Variants in GALNTL6 observed in about 807,000 individuals in gnomAD.
GALNTL6 encodes the protein polypeptide N-acetylgalactosaminyltransferase like 6.
In GALNTL6, 46 loss-of-function variants were observed where a neutral mutation model predicts 73.7. The observed-to-expected ratio is 0.62, with a 90% confidence interval of 0.49 to 0.80. GALNTL6 has a LOEUF of 0.80. Ranked by LOEUF, GALNTL6 falls within the 30% of genes least tolerant of loss-of-function variation. The pLI, the probability that GALNTL6 is intolerant of heterozygous loss-of-function variation, is 0.00. For synonymous variants in GALNTL6, 259 were observed against 263.7 expected (o/e 0.98, Z 0.17); for missense variants, 604 against 755.0 (o/e 0.80, Z 2.34).
intron 2 of GALNTL6, among the ~76,000 whole-genome samples, chr4:172,210,028 A>G (rs1452466760): frequency 6.6e-6 from 1 of 152,118 alleles, no homozygotes; most frequent in Non-Finnish European, 1.5e-5. Context: ...ATAGTAAAGA[A>G]TGAATAATGT....
chr4:171,867,786 A>C (rs1464575604), intron 2 of GALNTL6, among the ~76,000 whole-genome samples: 1 of 152,208 alleles, frequency 6.6e-6, no homozygotes, highest in Non-Finnish European at 1.5e-5. Flanking sequence ...GAAATTAATA[A>C]AATTCTGTAT....
chr4:172,935,144 G>A (rs1452099737), intron 9 of GALNTL6, among the ~76,000 whole-genome samples: 1 of 152,200 alleles, frequency 6.6e-6, no homozygotes, highest in Non-Finnish European at 1.5e-5. Flanking sequence ...GAGTTTCCTT[G>A]GAGGGTCACC....
chr4:171,953,774 T>A (rs412727), intron 2 of GALNTL6, among the ~76,000 whole-genome samples: 74,632 of 151,898 alleles, frequency 0.49, 18,832 homozygotes, highest in East Asian at 0.65. Flanking sequence ...TATATTTTTA[T>A]ATTCCACAGA....
intron 5 of GALNTL6, among the ~76,000 whole-genome samples, chr4:172,681,340 G>T (rs374252127): frequency 6.6e-6 from 1 of 151,534 alleles, no homozygotes; most frequent in African/African-American, 2.4e-5. Flanking sequence ...CTCCCATGAC[G>T]TACACTTCAT....
intron 8 of GALNTL6, among the ~76,000 whole-genome samples, chr4:172,896,870 T>C (rs1436884528): frequency 6.6e-6 from 1 of 152,106 alleles, no homozygotes; most frequent in African/African-American, 2.4e-5. Flanking sequence ...GAGCTGATAC[T>C]GGGCCTCCTA....
intron 3 of GALNTL6, among the ~76,000 whole-genome samples, chr4:172,254,867 A>G (rs950209394): frequency 6.6e-6 from 1 of 151,764 alleles, no homozygotes; most frequent in African/African-American, 2.4e-5. Context: ...CCCCTGTTTC[A>G]GATGGGATAA....
intron 2 of GALNTL6, among the ~76,000 whole-genome samples, chr4:172,171,909 G>C (rs968452601): frequency 2.0e-5 from 3 of 152,138 alleles, no homozygotes; most frequent in African/African-American, 7.2e-5. Context: ...AAGTTTTGTA[G>C]CCATCCATGT....
chr4:173,013,719 T>C (rs1752657343), intron 11 of GALNTL6, among the ~76,000 whole-genome samples: 1 of 152,090 alleles, frequency 6.6e-6, no homozygotes. Context: ...TTCCTGTCTC[T>C]AGAGATCCTA....
At chr4:173,017,344 C>CA (rs767398275) in intron 11 of GALNTL6, among the ~76,000 whole-genome samples, 131 of 152,282 alleles carry the variant, frequency 8.6e-4, no homozygotes, top group Non-Finnish European at 1.4e-3. Flanking sequence ...AGAAAATCTA[C>CA]ATTCTTCTGT....
chr4:171,941,585 G>A (rs1049012504), intron 2 of GALNTL6, among the ~76,000 whole-genome samples: 2 of 152,134 alleles, frequency 1.3e-5, no homozygotes, highest in Non-Finnish European at 2.9e-5. Flanking sequence ...GAATCTTTAC[G>A]ATTACTTTGA....
chr4:172,304,314 C>A (rs1227848453), intron 3 of GALNTL6, among the ~76,000 whole-genome samples: 1 of 151,886 alleles, frequency 6.6e-6, no homozygotes, highest in African/African-American at 2.4e-5. Context: ...CTGCTGGAGA[C>A]ATTACGATGA....
At chr4:172,893,431 T>G (rs1312167176) in intron 8 of GALNTL6, among the ~76,000 whole-genome samples, 2 of 152,084 alleles carry the variant, frequency 1.3e-5, no homozygotes, top group Non-Finnish European at 2.9e-5. Flanking sequence ...CTGGGAGTTT[T>G]GGGACCACAC....
intron 8 of GALNTL6, among the ~76,000 whole-genome samples, chr4:172,883,291 A>G (rs910351276): frequency 1.3e-5 from 2 of 152,216 alleles, no homozygotes; most frequent in African/African-American, 2.4e-5. Context: ...CCCTACTTGT[A>G]TAAGGCCATT....
chr4:172,332,744 A>G (rs1741175954), intron 4 of GALNTL6, among the ~76,000 whole-genome samples: 1 of 152,126 alleles, frequency 6.6e-6, no homozygotes, highest in Admixed American at 6.5e-5. Context: ...TGCTATTGTA[A>G]ATAGTGCTAC....
intron 10 of GALNTL6, among the ~76,000 whole-genome samples, chr4:173,001,385 AC>A (rs1427475302): frequency 6.6e-6 from 1 of 152,216 alleles, no homozygotes; most frequent in Non-Finnish European, 1.5e-5. Context: ...TTCTAAATGG[AC>A]CTAAACATAA....
intron 5 of GALNTL6, among the ~76,000 whole-genome samples, chr4:172,628,122 T>C (rs891764967): frequency 6.6e-6 from 1 of 152,152 alleles, no homozygotes; most frequent in East Asian, 1.9e-4. Context: ...CTCATCACTC[T>C]ATATATTTCT....
At chr4:172,331,322 C>G (rs901046512) in intron 4 of GALNTL6, among the ~76,000 whole-genome samples, 8 of 151,876 alleles carry the variant, frequency 5.3e-5, no homozygotes, top group African/African-American at 1.9e-4. Flanking sequence ...CTCTGTCACC[C>G]AGGCTGGAGT....
chr4:171,875,449 C>G (rs1736249211), intron 2 of GALNTL6, among the ~76,000 whole-genome samples: 1 of 152,070 alleles, frequency 6.6e-6, no homozygotes, highest in Non-Finnish European at 1.5e-5. Flanking sequence ...CTGCCTAGTT[C>G]CCTCCCAGGT....
At chr4:172,763,541 C>A (rs1416251306) in intron 5 of GALNTL6, among the ~76,000 whole-genome samples, 1 of 152,142 alleles carries the variant, frequency 6.6e-6, no homozygotes, top group Admixed American at 6.5e-5. Context: ...CAGACAATTA[C>A]AATGAACTAA....
Sources: gnomAD v4.1 joint callset for allele counts (sites outside exome capture counted in the v4.1 genomes callset) on GRCh38, gnomAD v4.1.1 for gene constraint, MANE v1.5 for transcripts, NCBI Gene and HGNC (gene_info 2026-07-23, HGNC 2026-07-21) for gene names.